The following PRKN variants were observed in gnomAD, a reference collection of about 807,000 sequenced individuals.
PRKN encodes the protein parkin RBR E3 ubiquitin protein ligase.
PRKN carries 56 observed loss-of-function variants against 59.5 expected under a neutral mutation model. That is an observed-to-expected ratio of 0.94 (90% CI 0.76 to 1.18). PRKN has a LOEUF of 1.18. Among genes scored for constraint, PRKN ranks in the 50% most tolerant of loss-of-function variants. PRKN has a pLI of 0.00. For synonymous variants in PRKN, 250 were observed against 222.1 expected (o/e 1.13, Z -1.12); for missense variants, 657 against 596.4 (o/e 1.10, Z -1.06).
chr6:161,364,895 C>T (rs760515080), intron 10 of PRKN, among the ~76,000 whole-genome samples: 6 of 150,928 alleles, frequency 4.0e-5, no homozygotes, highest in Non-Finnish European at 7.4e-5. Flanking sequence ...GGTGCCAGTA[C>T]ACTCCAGCCT....
At chr6:161,767,270 T>C (rs975346490) in intron 7 of PRKN, among the ~76,000 whole-genome samples, 3 of 152,096 alleles carry the variant, frequency 2.0e-5, no homozygotes, top group Non-Finnish European at 2.9e-5. Context: ...TCCCAGCACT[T>C]TGGGAGGCTG....
chr6:162,628,802 T>C (rs114286095), intron 1 of PRKN, among the ~76,000 whole-genome samples: 3,100 of 152,246 alleles, frequency 0.02, 73 homozygotes, highest in African/African-American at 0.053. Flanking sequence ...TAATGAACAA[T>C]AGCTTTTCAT....
chr6:161,404,912 C>T (rs1231357822), intron 9 of PRKN, among the ~76,000 whole-genome samples: 1 of 152,154 alleles, frequency 6.6e-6, no homozygotes, highest in African/African-American at 2.4e-5. Context: ...GTAAATACTG[C>T]AATGGAATGG....
intron 4 of PRKN, among the ~76,000 whole-genome samples, chr6:162,198,839 A>G (rs527557189): frequency 6.6e-6 from 1 of 152,186 alleles, no homozygotes; most frequent in South Asian, 2.1e-4. Context: ...GTAAGTACCT[A>G]CTATTAATGT....
chr6:162,257,111 T>C (rs879758845), intron 3 of PRKN, among the ~76,000 whole-genome samples: 1 of 152,112 alleles, frequency 6.6e-6, no homozygotes, highest in Non-Finnish European at 1.5e-5. Context: ...TTTTTGTCAA[T>C]TGCATGCTGA....
rs1027846419 is a variant in PRKN at position 161,487,951 on chromosome 6, C to A, written c.1083+60903G>T. ...TATTTACTGAATACCTACAAAACTT[C>A]TATGACTAAAACCAATGAGATTCTC... is the stretch of plus-strand genomic sequence containing the variant. On this transcript the variant is annotated intron_variant, in intron 9 of 11. Coordinates refer to ENST00000366898, the MANE Select transcript of PRKN (RefSeq NM_004562.3). This position sits in a 1 kb window ranked among gnomAD's most constrained non-coding sequence, Gnocchi z 5.3. 2.6e-5 allele frequency among the ~76,000 whole-genome samples: 4 copies of A among 152,150 alleles called. No individual in the cohort carries two copies. Among genetic ancestry groups the A allele is most frequent in the Admixed American group, 2.6e-4 (4 of 15,282 alleles).
intron 1 of PRKN, among the ~76,000 whole-genome samples, chr6:162,552,533 T>A (rs1223687725): frequency 6.6e-6 from 1 of 152,108 alleles, no homozygotes; most frequent in African/African-American, 2.4e-5. Flanking sequence ...TGGAATGAGT[T>A]GTCATTCACT....
intron 3 of PRKN, among the ~76,000 whole-genome samples, chr6:162,224,838 A>G (rs1168106473): frequency 6.6e-6 from 1 of 152,154 alleles, no homozygotes; most frequent in Non-Finnish European, 1.5e-5. Context: ...TCTTGCTCTG[A>G]GCTGCTATAA....
At chr6:161,443,398 T>G (rs1452778037) in intron 9 of PRKN, among the ~76,000 whole-genome samples, 3 of 151,870 alleles carry the variant, frequency 2.0e-5, no homozygotes, top group Non-Finnish European at 4.4e-5. Flanking sequence ...ATGCCCTGCA[T>G]GGGGCGGGGG....
Position 162,619,144 on chromosome 6 carries a change from C to CTT in PRKN, c.7+108516_7+108517dup, listed in dbSNP as rs144005690. On this transcript the variant is annotated intron_variant, in intron 1 of 11. Coordinates refer to ENST00000366898, the MANE Select transcript of PRKN (RefSeq NM_004562.3). ...AAACATATCTAATCCAGTATTTTTC[C>CTT]TTTTTTTTTTTTTTTTTGAGATGGA... Among the ~76,000 whole-genome samples, 76 of 132,208 alleles carry CTT rather than the reference C, an allele frequency of 5.7e-4. 1 individual carries two copies. Among genetic ancestry groups the CTT allele is most frequent in the Middle Eastern group, 7.9e-3 (2 of 254 alleles). 86.7% of individuals were successfully genotyped at this position (132,208 alleles called of 152,430 possible). A position where few individuals can be genotyped will look rare whatever the true frequency, so the allele number is the denominator to read the frequency against.
At chr6:162,430,433 T>C (rs2128162845) in intron 2 of PRKN, among the ~76,000 whole-genome samples, 1 of 152,308 alleles carries the variant, frequency 6.6e-6, no homozygotes, top group South Asian at 2.1e-4. Context: ...GCACTATGAC[T>C]TGTGGACATA....
chr6:161,774,390 ACAC>A, intron 7 of PRKN, among the ~76,000 whole-genome samples: 1 of 41,654 alleles, frequency 2.4e-5, no homozygotes, highest in East Asian at 1.1e-3. Context: ...GAGCACACAC[ACAC>A]ACACACACAC....
chr6:162,405,178 G>A (rs951363667), intron 2 of PRKN, among the ~76,000 whole-genome samples: 3 of 152,100 alleles, frequency 2.0e-5, no homozygotes, highest in Non-Finnish European at 4.4e-5. Flanking sequence ...ACACTTGGAC[G>A]TCTTCCAACG....
chr6:162,098,207 G>T (rs1779824624), intron 4 of PRKN, among the ~76,000 whole-genome samples: 1 of 152,032 alleles, frequency 6.6e-6, no homozygotes, highest in African/African-American at 2.4e-5. Context: ...TTTAAACGAG[G>T]ATCATGTCAA....
At chr6:162,246,768 T>G (rs1779215234) in intron 3 of PRKN, among the ~76,000 whole-genome samples, 1 of 152,166 alleles carries the variant, frequency 6.6e-6, no homozygotes, top group African/African-American at 2.4e-5. Context: ...AAACTATTTT[T>G]CAATCACAAA....
intron 1 of PRKN, among the ~76,000 whole-genome samples, chr6:162,570,080 A>G (rs1780255216): frequency 6.6e-6 from 1 of 152,228 alleles, no homozygotes; most frequent in Non-Finnish European, 1.5e-5. Flanking sequence ...CAGAATATAC[A>G]AGGAGCTCAA....
chr6:161,757,819 T>C (rs112576361), intron 7 of PRKN, among the ~76,000 whole-genome samples: 2,510 of 64,444 alleles, frequency 0.039, 59 homozygotes, highest in South Asian at 0.12. Flanking sequence ...GCCTGGGCAA[T>C]AGAGCAAAAC....
At position 161,399,022 on chromosome 6, in the gene PRKN, C is replaced by T. The variant is rs1786908167; in HGVS notation, c.1084-12145G>A. Among the ~76,000 whole-genome samples, 1 of 152,124 alleles carries T rather than the reference C, an allele frequency of 6.6e-6. No individual in the cohort carries two copies. Among genetic ancestry groups the T allele is most frequent in the Non-Finnish European group, 1.5e-5 (1 of 68,034 alleles). On this transcript the variant is annotated intron_variant, in intron 9 of 11. Coordinates refer to ENST00000366898, the MANE Select transcript of PRKN (RefSeq NM_004562.3). The surrounding 1 kb of genome is among the most constrained non-coding windows in gnomAD (Gnocchi z 4.4). ...CCCCTATCCTGTCCCTATATAAACT[C>T]CAAACCCCAGGCTCCATGAGCAGAA... is the stretch of plus-strand genomic sequence containing the variant.
At chr6:162,617,499 T>A (rs1782477249) in intron 1 of PRKN, among the ~76,000 whole-genome samples, 2 of 152,212 alleles carry the variant, frequency 1.3e-5, no homozygotes. Context: ...CCCACAGTGC[T>A]GGGATTACAG....
Sources: gnomAD v4.1 joint callset for allele counts (sites outside exome capture counted in the v4.1 genomes callset) on GRCh38, gnomAD v4.1.1 for gene constraint, Gnocchi (gnomAD v3.1) non-coding constraint, MANE v1.5 for transcripts, NCBI Gene and HGNC (gene_info 2026-07-23, HGNC 2026-07-21) for gene names.